Variants in CYRIB observed in about 807,000 individuals in gnomAD.
CYRIB encodes CYFIP related Rac1 interactor B, also known as CYFIP-related Rac1 interactor B.
CYRIB carries 8 observed loss-of-function variants against 44.2 expected under a neutral mutation model. The ratio of observed to expected loss-of-function variants is 0.18; its 90% CI spans 0.11 to 0.33. The LOEUF (loss-of-function observed/expected upper bound fraction) is 0.33. Ranked by LOEUF, CYRIB falls within the 10% of genes least tolerant of loss-of-function variation. CYRIB has a pLI of 1.00. For missense variants in CYRIB, 185 were observed against 382.8 expected (o/e 0.48, Z 4.31); for synonymous variants, 131 against 127.2 (o/e 1.03, Z -0.20).
rs574300965 is a variant in CYRIB, at chr8:129,873,386, T to C, written c.74-1890A>G. On this transcript the variant is annotated intron_variant, in intron 3 of 11. Transcript: ENST00000519824. The stretch of plus-strand genomic sequence containing the variant: ...AGTAATAATTTACTGCTAAATATTT[T>C]ACATTTAGCCAGACCATATTTTCCA... Among the ~76,000 whole-genome samples, 3 of 152,166 alleles carry C rather than the reference T, an allele frequency of 2.0e-5. No homozygotes were observed. In the South Asian group the frequency reaches 6.2e-4, roughly 32 times the overall value.
intron 1 of CYRIB, among the ~76,000 whole-genome samples, chr8:129,934,488 G>T (rs755401267): frequency 6.6e-6 from 1 of 151,928 alleles, no homozygotes; most frequent in Admixed American, 6.6e-5. Context: ...GTCATATTGC[G>T]GCAGGCCAGG....
chr8:129,893,611 GCTA>G (rs1025676121), intron 2 of CYRIB, among the ~76,000 whole-genome samples: 2 of 152,056 alleles, frequency 1.3e-5, no homozygotes, highest in African/African-American at 4.8e-5. Flanking sequence ...CTTCAGATGG[GCTA>G]CTTTTTTGTG....
intron 4 of CYRIB, among the ~76,000 whole-genome samples, chr8:129,863,541 A>G (rs566265952): frequency 6.6e-6 from 1 of 152,080 alleles, no homozygotes; most frequent in African/African-American, 2.4e-5. Flanking sequence ...AAAAAAAAGA[A>G]AATACAAAAA....
intron 4 of CYRIB, chr8:129,864,481 G>T: frequency 6.0e-6 from 1 of 167,006 alleles, no homozygotes; most frequent in South Asian, 1.6e-4. Context: ...AGCCAAGATG[G>T]GTACACACAA....
intron 1 of CYRIB, among the ~76,000 whole-genome samples, chr8:129,989,899 G>C (rs1054751502): frequency 6.6e-6 from 1 of 150,472 alleles, no homozygotes; most frequent in Non-Finnish European, 1.5e-5. Flanking sequence ...GAGGTGTTTG[G>C]TTTCTTGTCC....
chr8:129,842,374 C>G lies in CYRIB; in HGVS notation c.912-169G>C, dbSNP rs148659530. On this transcript the variant is annotated intron_variant, in intron 11 of 11. Transcript: ENST00000519824. ...GGTTCTGCACAGCCTGTCATCCTCA[C>G]CCCCTTTCTAACTGAATAGCCAGTA... Among the ~76,000 whole-genome samples the G allele has an allele frequency of 3.8e-3, 582 of 152,310 alleles. 3 individuals carry two copies. Among genetic ancestry groups the G allele is most frequent in the African/African-American group, 0.013 (544 of 41,572 alleles).
chr8:129,850,574 G>A (rs777812715), intron 9 of CYRIB: 4 of 448,678 alleles, frequency 8.9e-6, no homozygotes, highest in Non-Finnish European at 1.6e-5. Context: ...TCTGTTCTGA[G>A]AAGAGAACTA....
chr8:129,951,185 T>TC (rs1040029636), intron 2 of CYRIB, among the ~76,000 whole-genome samples: 5 of 151,994 alleles, frequency 3.3e-5, no homozygotes, highest in Non-Finnish European at 7.4e-5. Flanking sequence ...GAGCCTGTAG[T>TC]CCCAGTTACT....
At chr8:129,917,754 G>A (rs557674917) in intron 1 of CYRIB, among the ~76,000 whole-genome samples, 4 of 152,250 alleles carry the variant, frequency 2.6e-5, no homozygotes, top group African/African-American at 9.6e-5. Context: ...CTACTCAGGA[G>A]GCTGAGACAG....
intron 3 of CYRIB, among the ~76,000 whole-genome samples, chr8:129,878,730 C>G (rs1469140105): frequency 6.6e-6 from 1 of 152,158 alleles, no homozygotes; most frequent in African/African-American, 2.4e-5. Context: ...CACTCTTAGA[C>G]CATATTACAA....
intron 1 of CYRIB, among the ~76,000 whole-genome samples, chr8:129,983,666 G>A (rs2096338218): frequency 6.6e-6 from 1 of 152,192 alleles, no homozygotes; most frequent in Non-Finnish European, 1.5e-5. Context: ...CCAGAGCAGG[G>A]ACCAGGCAGC....
intron 2 of CYRIB, among the ~76,000 whole-genome samples, chr8:129,882,969 G>T (rs1444632927): frequency 6.6e-6 from 1 of 151,844 alleles, no homozygotes; most frequent in Non-Finnish European, 1.5e-5. Flanking sequence ...ATGCCAAGGT[G>T]GGTAGATCAC....
chr8:129,974,298 T>C (rs2095831347), intron 1 of CYRIB, among the ~76,000 whole-genome samples: 1 of 152,242 alleles, frequency 6.6e-6, no homozygotes, highest in Non-Finnish European at 1.5e-5. Flanking sequence ...AAAGTTTTTT[T>C]AAAGGAGCAA....
intron 1 of CYRIB, among the ~76,000 whole-genome samples, chr8:129,987,043 G>A (rs2096481693): frequency 6.6e-6 from 1 of 152,194 alleles, no homozygotes; most frequent in African/African-American, 2.4e-5. Context: ...CACTTTGGCT[G>A]AAGCCACTAG....
At chr8:129,928,888 T>C (rs2089634906) in intron 1 of CYRIB, among the ~76,000 whole-genome samples, 1 of 152,188 alleles carries the variant, frequency 6.6e-6, no homozygotes, top group African/African-American at 2.4e-5. Flanking sequence ...TTTTGGCAGT[T>C]TCTTTAAAAA....
At position 129,913,192 on chromosome 8, in the gene CYRIB, T is replaced by C. The variant is rs541823735; in HGVS notation, c.-49-9842A>G. Among the ~76,000 whole-genome samples, 70 of 152,074 alleles carry C rather than the reference T, an allele frequency of 4.6e-4. No homozygotes were observed. In the South Asian group the frequency reaches 0.01, roughly 22 times the overall value. Reference sequence around the variant, plus strand: ...TTCACCGTGTTAGCCAGGATGGTCTTGAACTTCTGACCTCATGATCCACCT... The same window carrying C: ...TTCACCGTGTTAGCCAGGATGGTCTCGAACTTCTGACCTCATGATCCACCT... On this transcript the variant is annotated intron_variant, in intron 1 of 11. Coordinates refer to ENST00000519824, the Ensembl canonical transcript of CYRIB.
At chr8:129,889,552 G>C (rs1166392997) in intron 2 of CYRIB, among the ~76,000 whole-genome samples, 1 of 152,150 alleles carries the variant, frequency 6.6e-6, no homozygotes, top group Non-Finnish European at 1.5e-5. Context: ...TGTGATTCAT[G>C]GGAAGGGGTC....
At chr8:129,961,110 G>A (rs1196722400) in intron 2 of CYRIB, among the ~76,000 whole-genome samples, 1 of 152,164 alleles carries the variant, frequency 6.6e-6, no homozygotes. Flanking sequence ...ACAGGGCTGG[G>A]CTCAAATCGT....
intron 1 of CYRIB, among the ~76,000 whole-genome samples, chr8:129,981,639 A>G (rs2096243589): frequency 6.6e-6 from 1 of 152,130 alleles, no homozygotes; most frequent in African/African-American, 2.4e-5. Flanking sequence ...AGAGAATATT[A>G]TTTCTGGGTA....
Sources: gnomAD v4.1 joint callset for allele counts (sites outside exome capture counted in the v4.1 genomes callset) on GRCh38, gnomAD v4.1.1 for gene constraint, MANE v1.5 for transcripts, NCBI Gene and HGNC (gene_info 2026-07-23, HGNC 2026-07-21) for gene names.